MAP7: variants seen among roughly 807,000 people sequenced by gnomAD.
MAP7 encodes microtubule associated protein 7.
MAP7 carries 52 observed loss-of-function variants against 94.8 expected under a neutral mutation model. The observed-to-expected ratio is 0.55, with a 90% CI of 0.44 to 0.69. The LOEUF is 0.69. Ranked by LOEUF, MAP7 falls within the 30% of genes least tolerant of loss-of-function variation. The pLI, the probability that MAP7 is intolerant of heterozygous loss-of-function variation, is 0.00. For missense variants in MAP7, 940 were observed against 964.6 expected (o/e 0.97, Z 0.34); for synonymous variants, 350 against 357.0 (o/e 0.98, Z 0.22).
chr6:136,395,258 A>G (rs1782101887), intron 3 of MAP7, among the ~76,000 whole-genome samples: 3 of 151,666 alleles, frequency 2.0e-5, no homozygotes, highest in African/African-American at 4.8e-5. Flanking sequence ...GATAATAGCC[A>G]TTCTAACTGG....
intron 1 of MAP7, among the ~76,000 whole-genome samples, chr6:136,489,526 C>CTTTTTTTTT (rs1164047042): frequency 9.7e-6 from 1 of 103,002 alleles, no homozygotes; most frequent in Admixed American, 1.1e-4. Flanking sequence ...CATCAGGTTT[C>CTTTTTTTTT]TTTTTTTTTT....
At chr6:136,411,019 C>A (rs926485898) in intron 3 of MAP7, among the ~76,000 whole-genome samples, 1 of 152,186 alleles carries the variant, frequency 6.6e-6, no homozygotes, top group African/African-American at 2.4e-5. Context: ...GGGGTTGGCA[C>A]CTGCTTCCTT....
chr6:136,423,782 G>GTTTTTTTTTTTTTTTTTTTTT (rs60134746), intron 1 of MAP7, among the ~76,000 whole-genome samples: 2 of 136,144 alleles, frequency 1.5e-5, no homozygotes, highest in Non-Finnish European at 1.5e-5. Context: ...AGGGAGTTGT[G>GTTTTTTTTTTTTTTTTTTTTT]TTTTTTTTTT....
chr6:136,542,374 G>T (rs190113253), intron 1 of MAP7, among the ~76,000 whole-genome samples: 1 of 152,160 alleles, frequency 6.6e-6, no homozygotes, highest in Non-Finnish European at 1.5e-5. Flanking sequence ...CTGATGAAAC[G>T]TCCAATGACA....
intron 16 of MAP7, among the ~76,000 whole-genome samples, chr6:136,350,336 AC>A (rs1788816273): frequency 6.6e-6 from 1 of 152,246 alleles, no homozygotes; most frequent in Non-Finnish European, 1.5e-5. Flanking sequence ...GGAATGCCTC[AC>A]TAAAAATAAT....
chr6:136,416,186 TTGAATGAATGA>T, intron 2 of MAP7, among the ~76,000 whole-genome samples: 1 of 152,306 alleles, frequency 6.6e-6, no homozygotes, highest in African/African-American at 2.4e-5. Context: ...TAAGTATTTG[TTGAATGAATGA>T]ATGAACAAAC....
At chr6:136,371,958 T>C (rs765993584) in intron 8 of MAP7, among the ~76,000 whole-genome samples, 22 of 152,238 alleles carry the variant, frequency 1.4e-4, no homozygotes, top group Non-Finnish European at 2.6e-4. Flanking sequence ...ATTAGTGATA[T>C]AGCAAATGAC....
At chr6:136,390,606 T>C (rs1185880936) in intron 3 of MAP7, among the ~76,000 whole-genome samples, 1 of 152,152 alleles carries the variant, frequency 6.6e-6, no homozygotes, top group Non-Finnish European at 1.5e-5. Flanking sequence ...CAAGCCAAGA[T>C]TGTGCCACTG....
At chr6:136,515,929 G>A (rs1399263953) in intron 1 of MAP7, among the ~76,000 whole-genome samples, 1 of 152,148 alleles carries the variant, frequency 6.6e-6, no homozygotes, top group African/African-American at 2.4e-5. Context: ...TAAAAAAAAT[G>A]CAGTATCCAT....
intron 1 of MAP7, among the ~76,000 whole-genome samples, chr6:136,499,575 A>G (rs1461800088): frequency 1.3e-5 from 2 of 152,158 alleles, no homozygotes; most frequent in Non-Finnish European, 2.9e-5. Flanking sequence ...AGACAGAGAA[A>G]GAGCTAAGAC....
At chr6:136,354,131 A>ATG (rs1195356735) in intron 16 of MAP7, among the ~76,000 whole-genome samples, 13 of 145,228 alleles carry the variant, frequency 9.0e-5, no homozygotes, top group African/African-American at 3.2e-4. Flanking sequence ...TATTATATAT[A>ATG]TAAAATATAT....
Position 136,355,865 on chromosome 6 carries a change from G to A in MAP7, c.2015+827C>T, listed in dbSNP as rs562603697. Among the ~76,000 whole-genome samples the A allele has an allele frequency of 3.6e-4, 55 of 152,136 alleles. 1 individual carries two copies. Among genetic ancestry groups the A allele is most frequent in the African/African-American group, 9.1e-4 (38 of 41,534 alleles). On this transcript the variant is annotated intron_variant, in intron 16 of 17. Coordinates refer to ENST00000354570, the MANE Select transcript of MAP7 (RefSeq NM_003980.6). ...CAGGCTATGATTACCCTTATTTTTC[G>A]TTTTTGAAAATGTTCATATGATGCT...
At chr6:136,494,370 A>G (rs1353599322) in intron 1 of MAP7, among the ~76,000 whole-genome samples, 1 of 152,204 alleles carries the variant, frequency 6.6e-6, no homozygotes, top group Non-Finnish European at 1.5e-5. Context: ...TGATGTGCTC[A>G]GTTATTTTAG....
intron 10 of MAP7, among the ~76,000 whole-genome samples, chr6:136,363,809 G>C (rs552091047): frequency 1.3e-5 from 2 of 152,168 alleles, no homozygotes; most frequent in South Asian, 4.1e-4. Context: ...CACAGGAATA[G>C]CATTGCCAGA....
chr6:136,398,248 G>A (rs867537353), intron 3 of MAP7, among the ~76,000 whole-genome samples: 26 of 152,328 alleles, frequency 1.7e-4, no homozygotes, highest in Middle Eastern at 3.4e-3. Flanking sequence ...TACAAGCTAT[G>A]TGCCACTGAA....
intron 1 of MAP7, among the ~76,000 whole-genome samples, chr6:136,465,937 T>C (rs1299697488): frequency 3.3e-5 from 5 of 152,138 alleles, no homozygotes; most frequent in Admixed American, 3.3e-4. Context: ...AAAAGGCAAA[T>C]AATTTAGTGA....
intron 4 of MAP7, 25 bp downstream of exon 4, chr6:136,389,329 A>G (rs1780033171): frequency 1.3e-6 from 2 of 1,519,614 alleles, no homozygotes; most frequent in African/African-American, 1.4e-5. Context: ...GGAGCCACTC[A>G]TATTCTTCCC....
At chr6:136,452,677 C>T (rs756717907) in intron 1 of MAP7, among the ~76,000 whole-genome samples, 19 of 152,106 alleles carry the variant, frequency 1.2e-4, no homozygotes, top group South Asian at 8.3e-4. Context: ...CTCAGCCTCC[C>T]GAGTAGCTAT....
chr6:136,520,199 CA>C (rs61528866), intron 1 of MAP7, among the ~76,000 whole-genome samples: 7,228 of 65,770 alleles, frequency 0.11, 307 homozygotes, highest in African/African-American at 0.25. Context: ...GAGTTTGCCT[CA>C]AAAAAAAAAA....
Sources: allele counts gnomAD v4.1 joint callset (sites outside exome capture counted in the v4.1 genomes callset), GRCh38; gene constraint gnomAD v4.1.1; transcripts MANE v1.5; gene names NCBI Gene and HGNC (gene_info 2026-07-23, HGNC 2026-07-21).